The following RIMS1 variants were observed in gnomAD, a reference collection of about 807,000 sequenced individuals.
The protein encoded by RIMS1 is regulating synaptic membrane exocytosis 1.
Under a neutral mutation model 214.1 loss-of-function variants are expected in RIMS1, and 83 were observed. The ratio of observed to expected loss-of-function variants is 0.39; its 90% CI spans 0.32 to 0.47. The LOEUF is 0.47. Ranked by LOEUF, RIMS1 falls within the 20% of genes least tolerant of loss-of-function variation. RIMS1 has a pLI of 0.99. For synonymous variants in RIMS1, 793 were observed against 786.8 expected (o/e 1.01, Z -0.13); for missense variants, 2,050 against 2,161.8 (o/e 0.95, Z 1.03).
At chr6:71,901,240 C>A (rs888748610) in intron 1 of RIMS1, among the ~76,000 whole-genome samples, 3 of 152,044 alleles carry the variant, frequency 2.0e-5, no homozygotes, top group African/African-American at 7.2e-5. Flanking sequence ...TACACTATGA[C>A]ATAGGAATTC....
intron 1 of RIMS1, among the ~76,000 whole-genome samples, chr6:71,963,462 T>C (rs1223335840): frequency 1.3e-5 from 2 of 152,164 alleles, no homozygotes; most frequent in Non-Finnish European, 2.9e-5. Context: ...CTGCTCTCTT[T>C]AGAAAAAATC....
At chr6:72,233,692 T>G (rs1007510936) in intron 6 of RIMS1, 81 bp from the exon 7 acceptor site, 17 of 1,007,752 alleles carry the variant, frequency 1.7e-5, no homozygotes, top group Non-Finnish European at 2.5e-5. Flanking sequence ...AAACTCTTTA[T>G]AGATCGAAGA....
intron 6 of RIMS1, among the ~76,000 whole-genome samples, chr6:72,219,355 G>A (rs997400272): frequency 2.4e-4 from 37 of 152,186 alleles, no homozygotes; most frequent in African/African-American, 8.4e-4. Context: ...CCTGCTTCAC[G>A]TAGGCCAATC....
intron 2 of RIMS1, among the ~76,000 whole-genome samples, chr6:71,981,894 A>G (rs1287528524): frequency 2.0e-5 from 3 of 151,842 alleles, no homozygotes; most frequent in East Asian, 1.9e-4. Flanking sequence ...TTGGTGTACT[A>G]TAATGCATAC....
intron 23 of RIMS1, among the ~76,000 whole-genome samples, chr6:72,276,014 A>T (rs2086224623): frequency 6.6e-6 from 1 of 151,968 alleles, no homozygotes; most frequent in African/African-American, 2.4e-5. Flanking sequence ...GGAGTTTGAG[A>T]TCAGCCTGGG....
intron 4 of RIMS1, among the ~76,000 whole-genome samples, chr6:72,109,107 A>T (rs914705731): frequency 7.2e-5 from 11 of 152,124 alleles, no homozygotes; most frequent in African/African-American, 2.4e-4. Context: ...TCATTGTTGG[A>T]CATTTGGGTT....
chr6:72,230,810 C>T (rs2697439), intron 6 of RIMS1, among the ~76,000 whole-genome samples: 106,419 of 151,240 alleles, frequency 0.7, 38,272 homozygotes, highest in East Asian at 0.98. Context: ...ATTTTAAAAT[C>T]GCTCACAAAA....
intron 2 of RIMS1, among the ~76,000 whole-genome samples, chr6:72,057,817 A>G (rs2152218381): frequency 6.6e-6 from 1 of 152,310 alleles, no homozygotes; most frequent in Admixed American, 6.5e-5. Context: ...CCAAACCAGT[A>G]CACTTTTGAC....
chr6:72,018,311 G>GT (rs1237151885), intron 2 of RIMS1, among the ~76,000 whole-genome samples: 2 of 152,110 alleles, frequency 1.3e-5, no homozygotes, highest in African/African-American at 2.4e-5. Context: ...GAATAATTAA[G>GT]TTTTTTTGGT....
chr6:72,176,999 C>T (rs1484950912), intron 4 of RIMS1, among the ~76,000 whole-genome samples: 2 of 151,932 alleles, frequency 1.3e-5, no homozygotes, highest in South Asian at 2.1e-4. Flanking sequence ...TTTTTTGTAA[C>T]GTTTAAAAAT....
intron 2 of RIMS1, among the ~76,000 whole-genome samples, chr6:72,096,241 CAT>C (rs1353047019): frequency 2.0e-5 from 3 of 152,158 alleles, no homozygotes; most frequent in Non-Finnish European, 4.4e-5. Flanking sequence ...TAAAAATCTG[CAT>C]ATCTACAAGG....
chr6:72,344,628 T>A (rs2097199857), intron 29 of RIMS1, among the ~76,000 whole-genome samples: 2 of 151,828 alleles, frequency 1.3e-5, no homozygotes, highest in South Asian at 4.1e-4. Flanking sequence ...AAAATCATGG[T>A]ACCAGAAATG....
At chr6:72,168,494 A>C (rs1023512341) in intron 4 of RIMS1, among the ~76,000 whole-genome samples, 14 of 152,262 alleles carry the variant, frequency 9.2e-5, no homozygotes, top group African/African-American at 2.9e-4. Context: ...TGGGCTGTCC[A>C]CATGTGCAGT....
In RIMS1 at chr6:72,179,950, G is replaced by A. The variant is rs368914031; in HGVS notation, c.812+35G>A. ...CTTTCACCCTGTAAGCAAAAGGCAA[G>A]ATTTTGCTAGGAGAGCAAAGCCGTT... On this transcript the variant is annotated intron_variant, in intron 5 of 33. Transcript: ENST00000521978. The A allele has an allele frequency of 1.1e-4, 154 of 1,341,490 alleles. 1 individual carries two copies. The highest frequency in any genetic ancestry group is 1.4e-4 in the Non-Finnish European group (141 of 1,016,496). 83.1% of individuals were successfully genotyped at this position (1,341,490 alleles called of 1,614,324 possible).
intron 6 of RIMS1, among the ~76,000 whole-genome samples, chr6:72,185,285 A>T (rs9791226): frequency 0.3 from 40,344 of 135,704 alleles, 6,123 homozygotes; most frequent in Non-Finnish European, 0.36. Flanking sequence ...ACCATTGAAG[A>T]TGCCATCGTT....
At chr6:72,285,014 C>T (rs1292089729) in intron 24 of RIMS1, among the ~76,000 whole-genome samples, 1 of 152,040 alleles carries the variant, frequency 6.6e-6, no homozygotes, top group African/African-American at 2.4e-5. Flanking sequence ...GAAATACTAT[C>T]TTGAGTTTGG....
intron 26 of RIMS1, among the ~76,000 whole-genome samples, chr6:72,295,130 T>C (rs1410325851): frequency 6.6e-6 from 1 of 151,776 alleles, no homozygotes; most frequent in Non-Finnish European, 1.5e-5. Flanking sequence ...AAACTAACAG[T>C]AAATGATGTG....
chr6:71,891,991 C>T (rs939902320), intron 1 of RIMS1, among the ~76,000 whole-genome samples: 10 of 152,144 alleles, frequency 6.6e-5, no homozygotes, highest in African/African-American at 1.9e-4. Context: ...AATTGTATTG[C>T]ATTTAATTTG....
At chr6:72,320,758 C>G (rs2096105023) in intron 28 of RIMS1, among the ~76,000 whole-genome samples, 1 of 151,902 alleles carries the variant, frequency 6.6e-6, no homozygotes, top group Admixed American at 6.6e-5. Context: ...CTTTAAATAG[C>G]ATTATATAGA....
Sources: allele counts gnomAD v4.1 joint callset (sites outside exome capture counted in the v4.1 genomes callset), GRCh38; gene constraint gnomAD v4.1.1; transcripts MANE v1.5; gene names NCBI Gene and HGNC (gene_info 2026-07-23, HGNC 2026-07-21).